LAMC1: variants seen among roughly 807,000 people sequenced by gnomAD.
The protein encoded by LAMC1 is laminin subunit gamma 1.
In LAMC1, 38 loss-of-function variants were observed where a neutral mutation model predicts 173.6. That is an observed-to-expected ratio of 0.22 (90% CI 0.17 to 0.29). LAMC1 has a LOEUF of 0.29. Among genes scored for constraint, LAMC1 ranks in the 10% least tolerant of loss-of-function variants. The pLI is 1.00. For synonymous variants in LAMC1, 746 were observed against 749.1 expected, an observed-to-expected ratio of 1.00 and a Z score of 0.07; for missense variants, 1,824 against 2,051.8, an observed-to-expected ratio of 0.89 and a Z score of 2.14.
intron 1 of LAMC1, among the ~76,000 whole-genome samples, chr1:183,029,517 G>T (rs745642057): frequency 1.3e-5 from 2 of 152,202 alleles, no homozygotes; most frequent in Admixed American, 6.5e-5. Context: ...ACTCCTTGGC[G>T]TGGTGTACAG....
At chr1:183,026,415 CT>C (rs1653688676) in intron 1 of LAMC1, among the ~76,000 whole-genome samples, 1 of 152,010 alleles carries the variant, frequency 6.6e-6, no homozygotes, top group Admixed American at 6.6e-5. Context: ...CTCCCCCCCC[CT>C]TTAATGACAA....
chr1:183,031,385 A>G (rs12091895), intron 1 of LAMC1, among the ~76,000 whole-genome samples: 2,167 of 152,156 alleles, frequency 0.014, 53 homozygotes, highest in African/African-American at 0.049. Context: ...GCTCACTGCA[A>G]CCTCTGCCTC....
chr1:183,039,137 A>T lies in LAMC1; in HGVS notation c.418+15003A>T, dbSNP rs545052408. Reference sequence around the variant, plus strand: ...GACATCATCTGTTTTGATGCCACTAAGTTTAAAGAATTTTTTCTAAAAAAA... The same window carrying T: ...GACATCATCTGTTTTGATGCCACTATGTTTAAAGAATTTTTTCTAAAAAAA... On this transcript the variant is annotated intron_variant, in intron 1 of 27. Coordinates refer to ENST00000258341, the MANE Select transcript of LAMC1 (RefSeq NM_002293.4). 7.4e-4 allele frequency among the ~76,000 whole-genome samples: 112 copies of T among 152,182 alleles called. No homozygotes were observed. The Middle Eastern group carries it at 0.014, about 18-fold the overall frequency.
chr1:183,074,029 C>T (rs1360000893), intron 1 of LAMC1, among the ~76,000 whole-genome samples: 2 of 152,144 alleles, frequency 1.3e-5, no homozygotes, highest in African/African-American at 4.8e-5. Context: ...TTTTCTTACT[C>T]CTTTTTCCCT....
chr1:183,073,296 G>C (rs555495616), intron 1 of LAMC1, among the ~76,000 whole-genome samples: 1 of 152,332 alleles, frequency 6.6e-6, no homozygotes, highest in South Asian at 2.1e-4. Flanking sequence ...AATAGGTAGG[G>C]ATTTCTGGAT....
intron 13 of LAMC1, among the ~76,000 whole-genome samples, chr1:183,123,903 T>TC (rs1656548197): frequency 6.6e-6 from 1 of 152,196 alleles, no homozygotes; most frequent in African/African-American, 2.4e-5. Flanking sequence ...ATTCAGGCCC[T>TC]ACTGGTTACA....
chr1:183,067,434 T>A (rs575578920), intron 1 of LAMC1, among the ~76,000 whole-genome samples: 25 of 152,306 alleles, frequency 1.6e-4, no homozygotes, highest in Admixed American at 1.4e-3. Context: ...AGTTTCCTAT[T>A]GGCTGTTCTG....
At chr1:183,082,808 G>C (rs1655321178) in intron 1 of LAMC1, among the ~76,000 whole-genome samples, 1 of 152,232 alleles carries the variant, frequency 6.6e-6, no homozygotes, top group Non-Finnish European at 1.5e-5. Flanking sequence ...CCATATCCCA[G>C]TGCTGGGAGT....
At position 183,130,464 on chromosome 1, in the gene LAMC1, C is replaced by T. The variant is rs148780198; in HGVS notation, c.3401C>T (p.Ala1134Val). The T allele has an allele frequency of 6.1e-5, 98 of 1,614,142 alleles. 1 individual carries two copies. The highest frequency in any genetic ancestry group is 1.6e-4 in the Middle Eastern group (1 of 6,062). The change falls in exon 19 of 28, where the codon GCG (alanine) becomes GTG (valine). Residue 1134 changes from alanine (A) to valine (V), a missense_variant. Transcript: ENST00000258341. ...IEETGNLAEQ[A>V]RAHVENTERL... ...GAGACTGGAAACTTGGCTGAACAAG[C>T]GCGTGCCCATGTAGAGAACACAGAG...
chr1:183,059,679 C>G (rs567260691), intron 1 of LAMC1, among the ~76,000 whole-genome samples: 3 of 151,958 alleles, frequency 2.0e-5, no homozygotes, highest in African/African-American at 7.3e-5. Flanking sequence ...AACTGGGTCT[C>G]GGAGCAAATT....
chr1:183,093,490 T>C (rs1480197523), intron 1 of LAMC1, among the ~76,000 whole-genome samples: 3 of 152,338 alleles, frequency 2.0e-5, no homozygotes, highest in Middle Eastern at 3.4e-3. Flanking sequence ...CCCCCATTGC[T>C]AAAAGTTGGT....
chr1:183,039,113 A>G (rs371968439), intron 1 of LAMC1, among the ~76,000 whole-genome samples: 1 of 152,132 alleles, frequency 6.6e-6, no homozygotes, highest in Non-Finnish European at 1.5e-5. Context: ...GGTGCTGGTG[A>G]CATCATCTGT....
At chr1:183,042,261 G>A (rs1654156189) in intron 1 of LAMC1, among the ~76,000 whole-genome samples, 1 of 152,092 alleles carries the variant, frequency 6.6e-6, no homozygotes, top group Admixed American at 6.6e-5. Flanking sequence ...GTTGAGGCTG[G>A]GTGATAGGCC....
At chr1:183,037,209 A>G (rs191310400) in intron 1 of LAMC1, among the ~76,000 whole-genome samples, 17 of 152,334 alleles carry the variant, frequency 1.1e-4, no homozygotes, top group Non-Finnish European at 2.9e-5. Flanking sequence ...GGATTTTGTC[A>G]GTGTCTGACA....
intron 19 of LAMC1, 29 bp downstream of exon 19, chr1:183,130,578 G>T: frequency 1.9e-6 from 3 of 1,585,172 alleles, no homozygotes; most frequent in Non-Finnish European, 2.6e-6. Flanking sequence ...CTGAGGTGGG[G>T]ATGGGGGAGG....
intron 2 of LAMC1, among the ~76,000 whole-genome samples, chr1:183,105,568 A>G (rs965704275): frequency 2.0e-5 from 3 of 152,216 alleles, no homozygotes; most frequent in Non-Finnish European, 2.9e-5. Flanking sequence ...ATGCCGTAGA[A>G]ACTAGTGAGA....
chr1:183,128,563 C>T, intron 17 of LAMC1, 31 bp from the exon 18 acceptor site: 1 of 1,589,470 alleles, frequency 6.3e-7, no homozygotes, highest in African/African-American at 1.3e-5. Flanking sequence ...GTGTGTCCTA[C>T]CTTTCCCTTT....
chr1:183,122,411 A>G (rs896671482), intron 13 of LAMC1, among the ~76,000 whole-genome samples, 160 bp downstream of exon 13: 1 of 152,008 alleles, frequency 6.6e-6, no homozygotes, highest in African/African-American at 2.4e-5. Context: ...GTTTCCTTCC[A>G]TCTCTCTTTT....
At chr1:183,033,982 A>G (rs984279321) in intron 1 of LAMC1, among the ~76,000 whole-genome samples, 1 of 152,146 alleles carries the variant, frequency 6.6e-6, no homozygotes, top group Non-Finnish European at 1.5e-5. Context: ...TACAGTCGTG[A>G]GCCACTGTGC....
Sources: allele counts gnomAD v4.1 joint callset (sites outside exome capture counted in the v4.1 genomes callset), GRCh38; gene constraint gnomAD v4.1.1; transcripts MANE v1.5; gene names NCBI Gene and HGNC (gene_info 2026-07-23, HGNC 2026-07-21).